Variants in IFI16 observed in about 807,000 individuals in gnomAD.
IFI16 encodes interferon gamma inducible protein 16.
IFI16 carries 49 observed loss-of-function variants against 68.4 expected under a neutral mutation model. The observed-to-expected ratio is 0.72, with a 90% confidence interval of 0.57 to 0.91. IFI16 has a LOEUF of 0.91. Among genes scored for constraint, IFI16 ranks in the 40% least tolerant of loss-of-function variants. IFI16 has a pLI of 0.00. For synonymous variants in IFI16, 307 were observed against 315.0 expected (o/e 0.97, Z 0.27); for missense variants, 878 against 942.9 (o/e 0.93, Z 0.90).
intron 6 of IFI16, among the ~76,000 whole-genome samples, chr1:159,021,810 G>C (rs1653336476): frequency 6.6e-6 from 1 of 152,066 alleles, no homozygotes; most frequent in South Asian, 2.1e-4. Flanking sequence ...CGAGTAATGT[G>C]GCATCATTTT....
chr1:159,018,366 T>A lies in IFI16; in HGVS notation c.687T>A (p.Phe229Leu), dbSNP rs917245916. ...CAGAAATGGAGAAAAAAATAATGTT[T>A]CATGCTACAGTGGCTACACAGACAC... The part of the protein sequence containing the change: ...ETPEMEKKIM[F>L]HATVATQTQF... Residue 229 changes from phenylalanine (F) to leucine (L), a missense_variant, in exon 5 of 12, where the codon TTT becomes TTA. Coordinates refer to ENST00000295809, the MANE Select transcript of IFI16 (RefSeq NM_001376587.1). The A allele has an allele frequency of 1.9e-6, 3 of 1,614,078 alleles. No individual in the cohort carries two copies. In the Admixed American group the frequency reaches 5.0e-5, roughly 27 times the overall value.
In IFI16 at chr1:159,053,515, GTTAATTTTCTT is replaced by G; in HGVS notation, c.2086-15_2086-5del. 1 of 1,514,780 alleles carries G rather than the reference GTTAATTTTCTT, an allele frequency of 6.6e-7. No individual in the cohort carries two copies. Among genetic ancestry groups the G allele is most frequent in the Non-Finnish European group, 9.1e-7 (1 of 1,094,148 alleles). The allele number at this position is 1,514,780 out of a possible 1,614,324, so 93.8% of individuals were successfully genotyped here. ...ATTGATCCAGTTTCAGAAGATAAGTGTTAATTTTCTTTTGCAGAAAAATGTAAGGGGTGAAT... is the reference window on the plus strand; with the variant it reads ...ATTGATCCAGTTTCAGAAGATAAGTGTTGCAGAAAAATGTAAGGGGTGAAT... On this transcript the variant is annotated splice_region_variant and splice_polypyrimidine_tract_variant and intron_variant, in intron 10 of 11. Transcript: ENST00000295809.
upstream of IFI16, among the ~76,000 whole-genome samples, chr1:159,002,282 CAG>C (rs1244767380): frequency 6.6e-6 from 1 of 151,464 alleles, no homozygotes; most frequent in Non-Finnish European, 1.5e-5. Flanking sequence ...GCTTATCATA[CAG>C]AGAGTATGGA....
intron 4 of IFI16, among the ~76,000 whole-genome samples, 185 bp downstream of exon 4, chr1:159,016,885 C>CT (rs1295772000): frequency 6.6e-6 from 1 of 152,248 alleles, no homozygotes; most frequent in Non-Finnish European, 1.5e-5. Context: ...TTATCTCTGA[C>CT]TGCAGGAAGT....
chr1:159,042,417 T>C (rs1468418971), intron 7 of IFI16, among the ~76,000 whole-genome samples: 1 of 152,218 alleles, frequency 6.6e-6, no homozygotes, highest in Non-Finnish European at 1.5e-5. Context: ...TCATCCTCTA[T>C]ATTCCAGTTT....
intron 1 of IFI16, among the ~76,000 whole-genome samples, chr1:159,013,754 A>G (rs1000966689): frequency 6.6e-6 from 1 of 152,204 alleles, no homozygotes; most frequent in Non-Finnish European, 1.5e-5. Context: ...TAGCAAAGTC[A>G]TGAGGCATGA....
chr1:159,015,296 G>T (rs12739704), intron 2 of IFI16, among the ~76,000 whole-genome samples: 13,454 of 152,172 alleles, frequency 0.088, 657 homozygotes, highest in Middle Eastern at 0.13. Flanking sequence ...GAATGTATCT[G>T]TTCTATTGAG....
chr1:159,016,457 A>G (rs1052663939), intron 3 of IFI16, 76 bp from the exon 4 acceptor site: 141 of 1,294,422 alleles, frequency 1.1e-4, no homozygotes, highest in Non-Finnish European at 1.4e-4. Context: ...TAATAAAACT[A>G]CTATCCAATA....
At chr1:159,029,627 T>C (rs954940203) in intron 6 of IFI16, among the ~76,000 whole-genome samples, 12 of 152,110 alleles carry the variant, frequency 7.9e-5, no homozygotes, top group Non-Finnish European at 1.6e-4. Flanking sequence ...CACCAGTTAT[T>C]CTTAGGTTTG....
chr1:159,027,655 G>A (rs1331676471), intron 6 of IFI16, among the ~76,000 whole-genome samples: 1 of 152,068 alleles, frequency 6.6e-6, no homozygotes, highest in African/African-American at 2.4e-5. Flanking sequence ...ATTCCATCTG[G>A]TCCTGGGCTT....
At chr1:159,031,669 G>C (rs1464018225) in intron 6 of IFI16, among the ~76,000 whole-genome samples, 1 of 152,128 alleles carries the variant, frequency 6.6e-6, no homozygotes, top group African/African-American at 2.4e-5. Flanking sequence ...TTCACACTTT[G>C]GGCACTCACA....
At chr1:159,032,069 C>T (rs1271499548) in intron 6 of IFI16, among the ~76,000 whole-genome samples, 1 of 152,090 alleles carries the variant, frequency 6.6e-6, no homozygotes, top group Non-Finnish European at 1.5e-5. Flanking sequence ...AATCAATGTG[C>T]AATAGGTCCT....
intron 4 of IFI16, 132 bp downstream of exon 4, chr1:159,016,832 T>A: frequency 1.3e-6 from 1 of 786,226 alleles, no homozygotes; most frequent in Non-Finnish European, 2.1e-6. Context: ...AACCACTACA[T>A]TTTGATCTTT....
At chr1:159,032,432 A>G (rs861318) in intron 6 of IFI16, 92 bp from the exon 7 acceptor site, 572,625 of 750,968 alleles carry the variant, frequency 0.76, 223,809 homozygotes, top group Admixed American at 0.84. Flanking sequence ...AGACCTATTA[A>G]AATCTAATAA....
chr1:159,009,473 G>C (rs187524244), upstream of IFI16, among the ~76,000 whole-genome samples: 16 of 152,210 alleles, frequency 1.1e-4, no homozygotes, highest in Non-Finnish European at 1.6e-4. Context: ...ATCTCCTCCT[G>C]CCACTGCCAC....
At chr1:159,003,649 GTATTATTAT>G (rs60416021), upstream of IFI16, among the ~76,000 whole-genome samples, 6 of 149,212 alleles carry the variant, frequency 4.0e-5, no homozygotes, top group African/African-American at 9.9e-5. Flanking sequence ...CCATAATTCT[GTATTATTAT>G]TATTATTATT....
chr1:159,030,549 A>AAG (rs1653937127), intron 6 of IFI16, among the ~76,000 whole-genome samples: 1 of 152,046 alleles, frequency 6.6e-6, no homozygotes, highest in South Asian at 2.1e-4. Flanking sequence ...GAGCTGAACT[A>AAG]CAGTGATTGT....
intron 7 of IFI16, among the ~76,000 whole-genome samples, chr1:159,039,643 C>T (rs1367390086): frequency 2.0e-5 from 3 of 152,078 alleles, no homozygotes; most frequent in Admixed American, 6.6e-5. Context: ...TGTGCCTGGC[C>T]GGGTTCTATC....
chr1:159,042,260 G>A (rs978665434), intron 7 of IFI16, among the ~76,000 whole-genome samples: 1 of 152,040 alleles, frequency 6.6e-6, no homozygotes, highest in Non-Finnish European at 1.5e-5. Context: ...GGTTTTGATT[G>A]GAAACCCAAA....
Sources: gnomAD v4.1 joint callset for allele counts (sites outside exome capture counted in the v4.1 genomes callset) on GRCh38, gnomAD v4.1.1 for gene constraint, MANE v1.5 for transcripts, NCBI Gene and HGNC (gene_info 2026-07-23, HGNC 2026-07-21) for gene names.